EIF5: variants seen among roughly 807,000 people sequenced by gnomAD.
The protein encoded by EIF5 is eukaryotic translation initiation factor 5.
A neutral mutation model predicts 48.3 loss-of-function variants in EIF5; 10 were observed. That is an observed-to-expected ratio of 0.21 (90% CI 0.13 to 0.35). The LOEUF (loss-of-function observed/expected upper bound fraction) is 0.35. Among genes scored for constraint, EIF5 ranks in the 10% least tolerant of loss-of-function variants. The pLI, the probability that EIF5 is intolerant of heterozygous loss-of-function variation, is 1.00. For synonymous variants in EIF5, 237 were observed against 173.1 expected (o/e 1.37, Z -2.90); for missense variants, 397 against 533.2 (o/e 0.74, Z 2.51).
chr14:103,340,608 G>A (rs777773427), intron 11 of EIF5, 47 bp downstream of exon 11: 3 of 1,571,182 alleles, frequency 1.9e-6, no homozygotes, highest in African/African-American at 1.4e-5. Context: ...TGGCATGGGT[G>A]TTTGAGATTT....
At chr14:103,339,895 G>C in intron 10 of EIF5, 92 bp downstream of exon 10, 1 of 1,413,412 alleles carries the variant, frequency 7.1e-7, no homozygotes, top group Non-Finnish European at 9.5e-7. Context: ...GTCTCATTCT[G>C]TTGTCCAGGC....
chr14:103,339,385 G>A (rs767435217), intron 9 of EIF5, 52 bp downstream of exon 9: 50 of 1,549,432 alleles, frequency 3.2e-5, no homozygotes, highest in South Asian at 5.0e-5. Context: ...TGTGGCTTTC[G>A]AGATGGTCAT....
At position 103,341,118 on chromosome 14, in the gene EIF5, T is replaced by C; in HGVS notation, c.*66T>C. The C allele has an allele frequency of 1.4e-6, 2 of 1,467,960 alleles. No homozygotes were observed. The highest frequency in any genetic ancestry group is 3.5e-4 in the Middle Eastern group (2 of 5,794). The allele number at this position is 1,467,960 out of a possible 1,614,324, so 90.9% of individuals were successfully genotyped here. Reference sequence around the variant, plus strand: ...ATTTTCCTCCATTATCAGCCAGAAGTGCAACATGTATGTGCAAAAGCTAAA... The same window carrying C: ...ATTTTCCTCCATTATCAGCCAGAAGCGCAACATGTATGTGCAAAAGCTAAA... On this transcript the variant is annotated 3_prime_UTR_variant, in exon 12 of 12. Transcript: ENST00000216554.
rs777152389 is a variant in EIF5, at chr14:103,342,245, A to G, written c.*1193A>G. On this transcript the variant is annotated 3_prime_UTR_variant, in exon 12 of 12. Transcript: ENST00000216554. The stretch of plus-strand genomic sequence containing the variant: ...TAAGACTTGGGATATTTTTTACTTC[A>G]CATTGAATATAGCCAGGCACCCAAG... 1 of 152,316 alleles carries G rather than the reference A, an allele frequency of 6.6e-6. No individual in the cohort carries two copies. The highest frequency in any genetic ancestry group is 2.4e-5 in the African/African-American group (1 of 41,334). The allele number at this position is 152,316 out of a possible 1,614,324, so 9.4% of individuals were successfully genotyped here. A position where few individuals can be genotyped will look rare whatever the true frequency, so the allele number is the denominator to read the frequency against.
At position 103,343,317 on chromosome 14, in the gene EIF5, AGTT is replaced by A. The variant is rs1222673377; in HGVS notation, c.*2269_*2271del. 1.3e-5 allele frequency: 2 copies of A among 152,194 alleles called. No individual in the cohort carries two copies. Among genetic ancestry groups the A allele is most frequent in the African/African-American group, 2.4e-5 (1 of 41,432 alleles). 9.4% of individuals were successfully genotyped at this position (152,194 alleles called of 1,614,324 possible). A position where few individuals can be genotyped will look rare whatever the true frequency, so the allele number is the denominator to read the frequency against. On this transcript the variant is annotated 3_prime_UTR_variant, in exon 12 of 12. Coordinates refer to ENST00000216554, the MANE Select transcript of EIF5 (RefSeq NM_001969.5). Reference sequence around the variant, plus strand: ...TACACTTGCCAGCCCCACTCACAAAAGTTGTTCATTTCATTGGGTCACTGGCTT... The same window carrying A: ...TACACTTGCCAGCCCCACTCACAAAAGTTCATTTCATTGGGTCACTGGCTT...
Position 103,339,883 on chromosome 14 carries a change from G to A in EIF5, c.1071+80G>A, listed in dbSNP as rs2089333011. ...GTTTGGTTGATTGTTTTTGGAGACG[G>A]AGTCTCATTCTGTTGTCCAGGCAGG... On this transcript the variant is annotated intron_variant, in intron 10 of 11. Coordinates refer to ENST00000216554, the MANE Select transcript of EIF5 (RefSeq NM_001969.5). The A allele has an allele frequency of 8.2e-6, 12 of 1,463,544 alleles. No homozygotes were observed. In the South Asian group the frequency reaches 1.6e-4, roughly 20 times the overall value. The allele number at this position is 1,463,544 out of a possible 1,614,324, so 90.7% of individuals were successfully genotyped here.
At chr14:103,337,328 G>T (rs2089298820) in intron 6 of EIF5, 101 bp downstream of exon 6, 2 of 985,890 alleles carry the variant, frequency 2.0e-6, no homozygotes, top group Non-Finnish European at 3.0e-6. Flanking sequence ...AGGGAGACTG[G>T]GCACGGTGGC....
intron 11 of EIF5, 94 bp from the exon 12 acceptor site, chr14:103,340,869 A>T: frequency 8.1e-7 from 1 of 1,234,942 alleles, no homozygotes; most frequent in Non-Finnish European, 1.2e-6. Flanking sequence ...AGCTGCATCT[A>T]GGCAGTTTCC....
In EIF5 at chr14:103,341,823, AGTT is replaced by A. The variant is rs1189432631; in HGVS notation, c.*772_*774del. The A allele has an allele frequency of 2.6e-5, 4 of 152,562 alleles. No individual in the cohort carries two copies. Among genetic ancestry groups the A allele is most frequent in the African/African-American group, 9.7e-5 (4 of 41,404 alleles). The allele number at this position is 152,562 out of a possible 1,614,324, so 9.5% of individuals were successfully genotyped here. ...AACAAGCATTTTGTGTGTACGTAGT[AGTT>A]ACTTTGTACTGAGAGAACTTGCTTT... is the stretch of plus-strand genomic sequence containing the variant. On this transcript the variant is annotated 3_prime_UTR_variant, in exon 12 of 12. Coordinates refer to ENST00000216554, the MANE Select transcript of EIF5 (RefSeq NM_001969.5).
chr14:103,337,924 T>C (rs746395063), intron 6 of EIF5: 1 of 525,928 alleles, frequency 1.9e-6, no homozygotes, highest in Non-Finnish European at 3.8e-6. Flanking sequence ...GTCTAACCTA[T>C]TCCGGTGTTC....
In EIF5 at chr14:103,336,111, CCAA is replaced by C; in HGVS notation, c.150_152del (p.Thr51del). 6.2e-7 allele frequency: 1 copy of C among 1,614,042 alleles called. No individual in the cohort carries two copies. Among genetic ancestry groups the C allele is most frequent in the Non-Finnish European group, 8.5e-7 (1 of 1,179,964 alleles). On this transcript the variant is annotated inframe_deletion, in exon 4 of 12. Transcript: ENST00000216554. ...CGTTGCAAAGGCGCTTAATCGGCCTCCAACGTGTAAGTAAAGCTTGGAAAAGTC... is the reference window on the plus strand; with the variant it reads ...CGTTGCAAAGGCGCTTAATCGGCCTCCGTGTAAGTAAAGCTTGGAAAAGTC...
intron 5 of EIF5, 91 bp downstream of exon 5, chr14:103,336,940 T>C: frequency 3.4e-6 from 5 of 1,459,464 alleles, no homozygotes; most frequent in Non-Finnish European, 4.6e-6. Context: ...AGAGCAAATG[T>C]AATTTTAAAT....
At position 103,339,570 on chromosome 14, in the gene EIF5, T is replaced by C. The variant is rs181476713; in HGVS notation, c.907-69T>C. The C allele has an allele frequency of 1.0e-4, 166 of 1,605,134 alleles. 2 individuals carry two copies. The East Asian group carries it at 2.9e-3, about 28-fold the overall frequency. On this transcript the variant is annotated intron_variant, in intron 9 of 11. Coordinates refer to ENST00000216554, the MANE Select transcript of EIF5 (RefSeq NM_001969.5). ...GGCCATGCACTTGCAGACACTCTTA[T>C]TTGGGTAATAGAGTTGTCAACTTAG...
intron 11 of EIF5, 50 bp downstream of exon 11, chr14:103,340,611 T>G (rs2089342195): frequency 6.4e-7 from 1 of 1,570,576 alleles, no homozygotes; most frequent in South Asian, 1.2e-5. Flanking sequence ...CATGGGTGTT[T>G]GAGATTTAAA....
At position 103,339,153 on chromosome 14, in the gene EIF5, GT is replaced by G. The variant is rs1164161024; in HGVS notation, c.745-15del. On this transcript the variant is annotated intron_variant, in intron 8 of 11. Coordinates refer to ENST00000216554, the MANE Select transcript of EIF5 (RefSeq NM_001969.5). Reference sequence around the variant, plus strand: ...AAGTGTGCCTCCATTGCACTGAATTGTTTTCCTTTTCTTTGCAGAAAAAGAA... The same window carrying G: ...AAGTGTGCCTCCATTGCACTGAATTGTTTCCTTTTCTTTGCAGAAAAAGAA... 2.8e-5 allele frequency: 45 copies of G among 1,599,302 alleles called. No individual in the cohort carries two copies. Among genetic ancestry groups the G allele is most frequent in the Non-Finnish European group, 3.5e-5 (41 of 1,175,406 alleles).
chr14:103,339,051 A>G (rs1238298873), intron 8 of EIF5, 121 bp from the exon 9 acceptor site: 21 of 1,470,678 alleles, frequency 1.4e-5, no homozygotes, highest in East Asian at 6.8e-5. Context: ...TCCAGGCACT[A>G]TGTGTCACAA....
rs1436797341 is a variant in EIF5, at chr14:103,341,494, A to G, written c.*442A>G. On this transcript the variant is annotated 3_prime_UTR_variant, in exon 12 of 12. Transcript: ENST00000216554. ...GTCCTGGGGCTGCAAAGAGGTCCTCAACAGGATGTAAAGCAAACTTAATTG... is the reference window on the plus strand; with the variant it reads ...GTCCTGGGGCTGCAAAGAGGTCCTCGACAGGATGTAAAGCAAACTTAATTG... The G allele has an allele frequency of 8.8e-5, 14 of 158,908 alleles. No individual in the cohort carries two copies. The highest frequency in any genetic ancestry group is 1.5e-4 in the Non-Finnish European group (11 of 71,458). 9.8% of individuals were successfully genotyped at this position (158,908 alleles called of 1,614,324 possible). A position where few individuals can be genotyped will look rare whatever the true frequency, so the allele number is the denominator to read the frequency against.
rs536945594 is a variant in EIF5 at position 103,336,868 on chromosome 14, G to T, written c.327+19G>T. On this transcript the variant is annotated intron_variant, in intron 5 of 11. Transcript: ENST00000216554. ...AGATTTGGTAAGTGCTTTTGTGGTT[G>T]TCGAAAGAAAAAGCCATATACCTGC... 2 of 1,601,480 alleles carry T rather than the reference G, an allele frequency of 1.2e-6. No homozygotes were observed. The highest frequency in any genetic ancestry group is 1.7e-5 in the Admixed American group (1 of 57,660).
chr14:103,340,556 A>G lies in EIF5; in HGVS notation c.1201A>G (p.Ile401Val), dbSNP rs368176341. Residue 401 changes from isoleucine to valine, a missense_variant, in exon 11 of 12, where the codon ATT (isoleucine) becomes GTT (valine). Ile to Val is a conservative substitution (Grantham distance 29, BLOSUM62 3). Around this residue, in one of 4 missense-constraint regions of EIF5, gnomAD observed 160 missense variants for 184.8 expected, o/e 0.87. Transcript: ENST00000216554. ...CGAAGAAGAAGATGAAGATGAGAAC[A>G]TTGAGGTAAACATTGGGGGAGGAGG... is the stretch of plus-strand genomic sequence containing the variant. ...GGEEEDEDENIEVVYSKAASV... is the reference protein window; with the variant it reads ...GGEEEDEDENVEVVYSKAASV... The G allele has an allele frequency of 4.3e-6, 7 of 1,610,828 alleles. No individual in the cohort carries two copies. Among genetic ancestry groups the G allele is most frequent in the Non-Finnish European group, 5.9e-6 (7 of 1,177,130 alleles).
Sources: gnomAD v4.1 joint callset for allele counts on GRCh38, gnomAD v4.1.1 for gene constraint, gnomAD v4.1.1 regional missense constraint, MANE v1.5 for transcripts, NCBI Gene and HGNC (gene_info 2026-07-23, HGNC 2026-07-21) for gene names.